Variants in DOCK1 observed in about 807,000 individuals in gnomAD.
The protein encoded by DOCK1 is dedicator of cytokinesis protein 1.
In DOCK1, 138 loss-of-function variants were observed where a neutral mutation model predicts 262.7. The observed-to-expected ratio is 0.53, with a 90% CI of 0.46 to 0.61. The LOEUF (loss-of-function observed/expected upper bound fraction) is 0.61, where lower values mean the gene tolerates loss of function less well. Among genes scored for constraint, DOCK1 ranks in the 20% least tolerant of loss-of-function variants. DOCK1 has a pLI of 0.00. For synonymous variants in DOCK1, 866 were observed against 867.4 expected (o/e 1.00, Z 0.03); for missense variants, 1,908 against 2,370.7 (o/e 0.80, Z 4.05).
chr10:127,166,893 G>A (rs1482857369), intron 27 of DOCK1, among the ~76,000 whole-genome samples: 9 of 151,922 alleles, frequency 5.9e-5, no homozygotes, highest in South Asian at 2.1e-4. Flanking sequence ...CTAGTGGCTC[G>A]GTGGTGAGGC....
chr10:127,285,066 A>G (rs947594377), intron 29 of DOCK1, among the ~76,000 whole-genome samples: 2 of 152,106 alleles, frequency 1.3e-5, no homozygotes, highest in African/African-American at 4.8e-5. Flanking sequence ...TGAGCCCAGG[A>G]GGTCGAGGCT....
rs952099327 is a variant in DOCK1, at chr10:126,959,760, C to T, written c.47-10942C>T. On this transcript the variant is annotated intron_variant, in intron 1 of 51. Coordinates refer to ENST00000623213, the MANE Select transcript of DOCK1 (RefSeq NM_001290223.2). The stretch of plus-strand genomic sequence containing the variant: ...GGGTTGGATCTCCAGGACATGCCTA[C>T]CTGGTTAGACTGTTGGAAGTTGTCT... 1.2e-4 allele frequency among the ~76,000 whole-genome samples: 19 copies of T among 152,288 alleles called. 2 individuals are homozygous for T. In the South Asian group the frequency reaches 1.7e-3, roughly 13 times the overall value.
chr10:127,201,181 G>T (rs537483176), intron 27 of DOCK1, among the ~76,000 whole-genome samples: 38 of 152,328 alleles, frequency 2.5e-4, no homozygotes, highest in Middle Eastern at 6.8e-3. Flanking sequence ...CTTTTCTGCC[G>T]AGAAGCCCTG....
chr10:127,023,174 T>TA (rs2042567840), intron 13 of DOCK1, 26 bp from the exon 14 acceptor site: 1 of 1,611,514 alleles, frequency 6.2e-7, no homozygotes, highest in Admixed American at 1.7e-5. Flanking sequence ...GATTGTTTTT[T>TA]AAATGTATGA....
intron 27 of DOCK1, among the ~76,000 whole-genome samples, chr10:127,218,597 G>A (rs4751079): frequency 0.33 from 50,474 of 151,948 alleles, 8,847 homozygotes; most frequent in East Asian, 0.43. Context: ...ATGAAGCAGT[G>A]GTTTTTCAAA....
chr10:127,352,781 C>T (rs185554474), intron 31 of DOCK1, among the ~76,000 whole-genome samples: 46 of 152,162 alleles, frequency 3.0e-4, no homozygotes, highest in African/African-American at 6.0e-4. Flanking sequence ...TTAGTGGAGA[C>T]GGGGTTTCAC....
chr10:126,945,526 G>A (rs1489833374), intron 1 of DOCK1, among the ~76,000 whole-genome samples: 2 of 152,056 alleles, frequency 1.3e-5, no homozygotes, highest in African/African-American at 4.8e-5. Context: ...TTTTGTAACT[G>A]AATCATGGAA....
intron 23 of DOCK1, among the ~76,000 whole-genome samples, chr10:127,088,620 A>G (rs2047336306): frequency 6.6e-6 from 1 of 152,126 alleles, no homozygotes; most frequent in South Asian, 2.1e-4. Context: ...GGTATGTTAT[A>G]TTTATTTTAA....
chr10:127,052,488 C>T (rs1167605589), intron 21 of DOCK1, among the ~76,000 whole-genome samples, 193 bp from the exon 22 acceptor site: 1 of 149,726 alleles, frequency 6.7e-6, no homozygotes, highest in African/African-American at 2.5e-5. Context: ...TGCACCATTG[C>T]ACTCCATCCT....
At chr10:127,409,467 C>CTT in intron 42 of DOCK1, 76 bp downstream of exon 42, 1 of 1,487,586 alleles carries the variant, frequency 6.7e-7, no homozygotes, top group African/African-American at 1.4e-5. Context: ...ATAATTCCAC[C>CTT]TTTTAAAGGA....
intron 29 of DOCK1, among the ~76,000 whole-genome samples, chr10:127,280,159 C>T (rs1474027352): frequency 5.3e-5 from 8 of 150,710 alleles, no homozygotes; most frequent in South Asian, 2.1e-4. Context: ...CTCAGCCTCC[C>T]GAGTAGCTGG....
At chr10:127,375,735 A>G (rs1230338482) in intron 35 of DOCK1, among the ~76,000 whole-genome samples, 1 of 152,260 alleles carries the variant, frequency 6.6e-6, no homozygotes, top group African/African-American at 2.4e-5. Flanking sequence ...AATGATAAAC[A>G]TTTCTGTAAC....
chr10:127,132,976 C>T (rs2050416172), intron 27 of DOCK1, among the ~76,000 whole-genome samples: 1 of 152,160 alleles, frequency 6.6e-6, no homozygotes, highest in South Asian at 2.1e-4. Flanking sequence ...CTGGATTCTC[C>T]ACTTAACTCT....
chr10:127,010,553 G>A (rs2041350110), intron 11 of DOCK1, among the ~76,000 whole-genome samples: 1 of 152,184 alleles, frequency 6.6e-6, no homozygotes, highest in Non-Finnish European at 1.5e-5. Context: ...AGCAGCAGGG[G>A]AGGTCAGTGG....
At chr10:127,007,957 T>C (rs1316285396) in intron 10 of DOCK1, among the ~76,000 whole-genome samples, 2 of 152,194 alleles carry the variant, frequency 1.3e-5, no homozygotes, top group Non-Finnish European at 2.9e-5. Flanking sequence ...CTTAATTGTT[T>C]GCGGGAAAGC....
In DOCK1 at chr10:126,993,040, T is replaced by C. The variant is rs191120187; in HGVS notation, c.473+2437T>C. On this transcript the variant is annotated intron_variant, in intron 6 of 51. Coordinates refer to ENST00000623213, the MANE Select transcript of DOCK1 (RefSeq NM_001290223.2). ...TGCATGTGGCATTCTGGAAGGAGCA[T>C]GGCTCTGCCATTGGAGAGTTCTGAT... is the stretch of plus-strand genomic sequence containing the variant. Among the ~76,000 whole-genome samples, 614 of 152,344 alleles carry C rather than the reference T, an allele frequency of 4.0e-3. 25 individuals carry two copies. Among genetic ancestry groups the C allele is most frequent in the Admixed American group, 0.038 (584 of 15,308 alleles).
intron 29 of DOCK1, among the ~76,000 whole-genome samples, chr10:127,315,939 T>G (rs897245098): frequency 6.6e-6 from 1 of 151,964 alleles, no homozygotes; most frequent in Non-Finnish European, 1.5e-5. Context: ...CCTCAAGTGA[T>G]CCACCCACCT....
At chr10:127,301,956 A>G (rs918100352) in intron 29 of DOCK1, among the ~76,000 whole-genome samples, 7 of 151,786 alleles carry the variant, frequency 4.6e-5, no homozygotes, top group Admixed American at 1.3e-4. Context: ...AAAAAAAAAA[A>G]AAAAGAAAAA....
At chr10:127,356,264 G>A (rs562201511) in intron 32 of DOCK1, among the ~76,000 whole-genome samples, 19 of 152,132 alleles carry the variant, frequency 1.2e-4, no homozygotes, top group Non-Finnish European at 2.4e-4. Flanking sequence ...CAAGAGAGAT[G>A]ATAAGTCCCA....
Sources: gnomAD v4.1 joint callset for allele counts (sites outside exome capture counted in the v4.1 genomes callset) on GRCh38, gnomAD v4.1.1 for gene constraint, MANE v1.5 for transcripts, NCBI Gene and HGNC (gene_info 2026-07-23, HGNC 2026-07-21) for gene names.